Variants in CNOT4 observed in about 807,000 individuals in gnomAD.
CNOT4 encodes the protein CCR4-NOT transcription complex subunit 4, also known as CCR4-associated factor 4.
A neutral mutation model predicts 73.8 loss-of-function variants in CNOT4; 8 were observed. The ratio of observed to expected loss-of-function variants is 0.11; its 90% CI spans 0.06 to 0.20. The LOEUF is 0.20. Ranked by LOEUF, CNOT4 falls within the 10% of genes least tolerant of loss-of-function variation. CNOT4 has a pLI of 1.00. For missense variants in CNOT4, 564 were observed against 883.4 expected (o/e 0.64, Z 4.58); for synonymous variants, 293 against 321.1 (o/e 0.91, Z 0.94).
Position 135,438,176 on chromosome 7 carries a change from A to C in CNOT4, c.156T>G (p.Leu52=). Residue 52 remains leucine (L), a synonymous_variant, in exon 2 of 12, where the codon CTT becomes CTG. Coordinates refer to ENST00000541284, the MANE Select transcript of CNOT4 (RefSeq NM_001190850.2). ...TATTTACCTTTCTACATGCAGGACA[A>C]AGCCCATTTTCATCAGTGCGAATTC... The part of the protein sequence containing the change: ...WHRIRTDENG[L]CPACRKPYPE... The C allele has an allele frequency of 6.3e-7, 1 of 1,592,556 alleles. No individual in the cohort carries two copies. Among genetic ancestry groups the C allele is most frequent in the Non-Finnish European group, 8.6e-7 (1 of 1,160,546 alleles).
At chr7:135,500,547 C>A (rs1358426558) in intron 1 of CNOT4, among the ~76,000 whole-genome samples, 1 of 152,052 alleles carries the variant, frequency 6.6e-6, no homozygotes, top group Non-Finnish European at 1.5e-5. Context: ...TTTAACCAGA[C>A]CTGTTTTTTA....
At position 135,364,148 on chromosome 7, in the gene CNOT4, T is replaced by G; in HGVS notation, c.1628-82A>C. ...GAAACATATGTTGTTCTTTAGTGGT[T>G]AAGCGGGAGAAGAATTATTCTTTCT... On this transcript the variant is annotated intron_variant, in intron 10 of 11. Transcript: ENST00000541284. The surrounding 1 kb of genome is among the most constrained non-coding windows in gnomAD (Gnocchi z 4.3). 1.0e-6 allele frequency: 1 copy of G among 987,510 alleles called. No individual in the cohort carries two copies. Among genetic ancestry groups the G allele is most frequent in the Non-Finnish European group, 1.5e-6 (1 of 662,200 alleles). 61.2% of individuals were successfully genotyped at this position (987,510 alleles called of 1,614,324 possible).
Position 135,394,221 on chromosome 7 carries a change from G to A in CNOT4, c.1324C>T (p.His442Tyr), listed in dbSNP as rs773515550. The A allele has an allele frequency of 3.7e-6, 6 of 1,614,212 alleles. No homozygotes were observed. The highest frequency in any genetic ancestry group is 3.3e-5 in the Admixed American group (2 of 60,020). Residue 442 changes from histidine to tyrosine, a missense_variant, in exon 10 of 12, where the codon CAC (histidine) becomes TAC (tyrosine). By Grantham distance (83) the His-to-Tyr change is moderately conservative. This residue lies in a region of CNOT4 where 153 missense variants were observed against 158.7 expected (regional missense o/e 0.96). Transcript: ENST00000541284. ...CCTGGACCTTTGGCGGTTGTAGTGT[G>A]TGAAGAGGAGTTCTGAAGAGATGTG... ...SPTSLQNSSS[H>Y]TTTAKGPGSG...
chr7:135,368,086 A>T (rs904572173), intron 10 of CNOT4, among the ~76,000 whole-genome samples: 1 of 152,190 alleles, frequency 6.6e-6, no homozygotes, highest in Admixed American at 6.5e-5. Flanking sequence ...TTTTCAGTGT[A>T]GAACTCAAAG....
In CNOT4 at chr7:135,422,980, A is replaced by T. The variant is rs553904980; in HGVS notation, c.175-627T>A. On this transcript the variant is annotated intron_variant, in intron 2 of 11. Coordinates refer to ENST00000541284, the MANE Select transcript of CNOT4 (RefSeq NM_001190850.2). ...GAATGCTGGCACTGCATCCTAGCTC[A>T]GCCATTACTATCTAAGTGACTTTGG... Among the ~76,000 whole-genome samples, 13 of 152,266 alleles carry T rather than the reference A, an allele frequency of 8.5e-5. No individual in the cohort carries two copies. The East Asian group carries it at 2.3e-3, about 27-fold the overall frequency.
At chr7:135,459,961 G>C (rs543082695) in intron 1 of CNOT4, among the ~76,000 whole-genome samples, 1 of 152,308 alleles carries the variant, frequency 6.6e-6, no homozygotes, top group East Asian at 1.9e-4. Context: ...GTTTCACCTA[G>C]CACTTTTATG....
Position 135,393,977 on chromosome 7 carries a change from A to G in CNOT4, c.1568T>C (p.Phe523Ser), listed in dbSNP as rs545080566. Residue 523 changes from phenylalanine (F) to serine (S), a missense_variant, in exon 10 of 12, where the codon TTC (phenylalanine) becomes TCC (serine). Physicochemically the swap from Phe to Ser is radical, Grantham distance 155. Around this residue, in one of 10 missense-constraint regions of CNOT4, gnomAD observed 153 missense variants for 158.7 expected, o/e 0.96. Transcript: ENST00000541284. ...HTANPTSNSN[F>S]LDLNLPPQHN... is the part of the protein sequence containing the mutation. ...CTGTGGCGGGAGATTCAAGTCCAAGAAATTACTATTTGAGGTGGGGTTTGC... is the reference window on the plus strand; with the variant it reads ...CTGTGGCGGGAGATTCAAGTCCAAGGAATTACTATTTGAGGTGGGGTTTGC... 6.2e-7 allele frequency: 1 copy of G among 1,613,944 alleles called. No individual in the cohort carries two copies. Among genetic ancestry groups the G allele is most frequent in the African/African-American group, 1.3e-5 (1 of 75,012 alleles).
intron 1 of CNOT4, among the ~76,000 whole-genome samples, chr7:135,446,344 ATAGT>A (rs1422696751): frequency 1.3e-5 from 2 of 152,216 alleles, no homozygotes; most frequent in Non-Finnish European, 2.9e-5. Context: ...GACAGTGGTG[ATAGT>A]TAAATAACAA....
At chr7:135,445,023 G>C (rs1438272520) in intron 1 of CNOT4, 3 of 811,580 alleles carry the variant, frequency 3.7e-6, no homozygotes, top group Non-Finnish European at 6.5e-6. Flanking sequence ...AGAAATAACA[G>C]ATAAGTCTGT....
chr7:135,439,227 C>A (rs1799333377), intron 1 of CNOT4, among the ~76,000 whole-genome samples: 1 of 152,026 alleles, frequency 6.6e-6, no homozygotes, highest in Non-Finnish European at 1.5e-5. Flanking sequence ...AATCTGATAG[C>A]CTGCAAACTA....
At chr7:135,464,023 T>G (rs1347374058) in intron 1 of CNOT4, among the ~76,000 whole-genome samples, 2 of 22,300 alleles carry the variant, frequency 9.0e-5, no homozygotes, top group South Asian at 1.0e-3. Flanking sequence ...TATTAAAAAG[T>G]CAAAAAAAAA....
intron 10 of CNOT4, among the ~76,000 whole-genome samples, chr7:135,385,435 T>C (rs942024507): frequency 1.3e-5 from 2 of 152,192 alleles, no homozygotes; most frequent in African/African-American, 4.8e-5. Context: ...GTGCCAGAGC[T>C]CTGGCAGTCT....
intron 1 of CNOT4, among the ~76,000 whole-genome samples, chr7:135,479,775 A>G (rs1227153599): frequency 2.0e-5 from 3 of 152,022 alleles, no homozygotes; most frequent in Admixed American, 6.6e-5. Flanking sequence ...CTGTGGTCCC[A>G]GCTACTCGAG....
At chr7:135,423,171 G>A (rs571474210) in intron 2 of CNOT4, among the ~76,000 whole-genome samples, 12 of 151,984 alleles carry the variant, frequency 7.9e-5, no homozygotes, top group Non-Finnish European at 1.5e-4. Context: ...TGGAAGATGC[G>A]GCACATTATT....
chr7:135,426,971 AAC>A (rs1253899460), intron 2 of CNOT4, among the ~76,000 whole-genome samples: 1 of 152,134 alleles, frequency 6.6e-6, no homozygotes, highest in Non-Finnish European at 1.5e-5. Flanking sequence ...TTTTGACTAA[AAC>A]ACATGTTAAA....
chr7:135,381,192 G>A (rs1795826607), intron 10 of CNOT4, among the ~76,000 whole-genome samples: 1 of 152,162 alleles, frequency 6.6e-6, no homozygotes, highest in African/African-American at 2.4e-5. Context: ...ATAGGTCAAG[G>A]TCACCAAAAT....
intron 1 of CNOT4, among the ~76,000 whole-genome samples, chr7:135,455,903 G>A (rs1468762550): frequency 6.6e-6 from 1 of 152,092 alleles, no homozygotes; most frequent in African/African-American, 2.4e-5. Context: ...AAACATATAA[G>A]CGTGTTAATA....
At chr7:135,428,031 T>C (rs779237827) in intron 2 of CNOT4, among the ~76,000 whole-genome samples, 3 of 152,042 alleles carry the variant, frequency 2.0e-5, no homozygotes, top group Non-Finnish European at 2.9e-5. Flanking sequence ...AACCAGAGGA[T>C]AGTCTCAGGG....
intron 2 of CNOT4, among the ~76,000 whole-genome samples, chr7:135,427,682 AT>A (rs1275250887): frequency 6.6e-6 from 1 of 152,158 alleles, no homozygotes; most frequent in African/African-American, 2.4e-5. Flanking sequence ...TGATTATACT[AT>A]TTTTTTAGGG....
Sources: gnomAD v4.1 joint callset for allele counts (sites outside exome capture counted in the v4.1 genomes callset) on GRCh38, gnomAD v4.1.1 for gene constraint, gnomAD v4.1.1 regional missense constraint, Gnocchi (gnomAD v3.1) non-coding constraint, MANE v1.5 for transcripts, NCBI Gene and HGNC (gene_info 2026-07-23, HGNC 2026-07-21) for gene names.